The following CPQ variants were observed in gnomAD, a reference collection of about 807,000 sequenced individuals.
The protein encoded by CPQ is Ser-Met dipeptidase.
CPQ carries 37 observed loss-of-function variants against 45.7 expected under a neutral mutation model. The ratio of observed to expected loss-of-function variants is 0.81; its 90% CI spans 0.62 to 1.07. The LOEUF (loss-of-function observed/expected upper bound fraction) is 1.07, where lower values mean the gene tolerates loss of function less well. CPQ is among the 50% of genes least tolerant of loss of function. CPQ has a pLI of 0.00. For synonymous variants in CPQ, 186 were observed against 205.8 expected, an observed-to-expected ratio of 0.90 and a Z score of 0.82; for missense variants, 537 against 572.9, an observed-to-expected ratio of 0.94 and a Z score of 0.64.
intron 7 of CPQ, among the ~76,000 whole-genome samples, chr8:97,126,979 A>G (rs963788105): frequency 6.6e-6 from 1 of 152,184 alleles, no homozygotes; most frequent in African/African-American, 2.4e-5. Context: ...AAAAAAATGA[A>G]CCTTAGCCCT....
intron 4 of CPQ, among the ~76,000 whole-genome samples, chr8:96,910,589 C>G (rs1812646881): frequency 6.6e-6 from 1 of 152,142 alleles, no homozygotes; most frequent in African/African-American, 2.4e-5. Flanking sequence ...ACTGCAAGCT[C>G]CGCCTCCTGG....
At chr8:97,119,328 CAAAA>C (rs34998181) in intron 7 of CPQ, among the ~76,000 whole-genome samples, 151 of 72,340 alleles carry the variant, frequency 2.1e-3, no homozygotes, top group African/African-American at 6.6e-3. Flanking sequence ...GACTCCATCT[CAAAA>C]AAAAAAAAAA....
chr8:96,826,926 A>G (rs1485307376), intron 2 of CPQ, among the ~76,000 whole-genome samples: 1 of 152,122 alleles, frequency 6.6e-6, no homozygotes, highest in African/African-American at 2.4e-5. Flanking sequence ...AATGGCTTCC[A>G]GCTCCACCCA....
At chr8:96,808,878 G>A (rs780986626) in intron 2 of CPQ, among the ~76,000 whole-genome samples, 64 of 152,188 alleles carry the variant, frequency 4.2e-4, no homozygotes, top group Non-Finnish European at 5.6e-4. Flanking sequence ...TTATCAGACA[G>A]ATGGCATATG....
chr8:96,647,159 C>T (rs1181198924), intron 1 of CPQ, among the ~76,000 whole-genome samples: 3 of 152,206 alleles, frequency 2.0e-5, no homozygotes, highest in East Asian at 3.8e-4. Context: ...AGTCATTATA[C>T]ATACATATTT....
chr8:96,657,274 G>A (rs974858626), intron 1 of CPQ, among the ~76,000 whole-genome samples: 1 of 152,080 alleles, frequency 6.6e-6, no homozygotes, highest in African/African-American at 2.4e-5. Context: ...GAACCCAGGA[G>A]GCAGAGGTTG....
At chr8:96,972,448 A>G (rs749359664) in intron 5 of CPQ, among the ~76,000 whole-genome samples, 1 of 152,188 alleles carries the variant, frequency 6.6e-6, no homozygotes, top group Non-Finnish European at 1.5e-5. Flanking sequence ...GACAAAGGTC[A>G]TAATCTTTTG....
At chr8:96,789,879 T>C (rs1810824427) in intron 2 of CPQ, among the ~76,000 whole-genome samples, 1 of 152,190 alleles carries the variant, frequency 6.6e-6, no homozygotes. Context: ...TTTTCAAGTC[T>C]GACCCATGTG....
chr8:96,877,913 A>G (rs980022294), intron 3 of CPQ, among the ~76,000 whole-genome samples: 33 of 152,132 alleles, frequency 2.2e-4, no homozygotes, highest in African/African-American at 6.8e-4. Context: ...TTGGAAGATA[A>G]GTCTTTGTAC....
chr8:97,096,768 G>A (rs1385666710), intron 7 of CPQ, among the ~76,000 whole-genome samples: 1 of 152,200 alleles, frequency 6.6e-6, no homozygotes, highest in African/African-American at 2.4e-5. Flanking sequence ...CTGCAGAGAG[G>A]GGAAGAGTAT....
intron 4 of CPQ, among the ~76,000 whole-genome samples, chr8:96,959,242 G>T (rs1163483303): frequency 6.6e-6 from 1 of 152,110 alleles, no homozygotes; most frequent in Non-Finnish European, 1.5e-5. Flanking sequence ...CAGAAAAGAG[G>T]TGCTCAGGGA....
intron 1 of CPQ, among the ~76,000 whole-genome samples, chr8:96,763,685 A>T (rs1160722751): frequency 1.3e-5 from 2 of 152,148 alleles, no homozygotes; most frequent in South Asian, 4.1e-4. Context: ...AAACTCTAAG[A>T]TATAAATAAT....
chr8:96,757,787 A>T (rs905597134), intron 1 of CPQ, among the ~76,000 whole-genome samples: 1 of 151,750 alleles, frequency 6.6e-6, no homozygotes, highest in African/African-American at 2.4e-5. Flanking sequence ...AGAGTTATCT[A>T]TTTTTTCTGT....
In CPQ at chr8:96,754,739, G is replaced by A. The variant is rs1309439482; in HGVS notation, c.-34-30125G>A. ...AATTCTCTTTTAATTCTTAAAATAT[G>A]TTTCATTTACCTGTTGGTAAATACA... On this transcript the variant is annotated intron_variant, in intron 1 of 7. Coordinates refer to ENST00000220763, the MANE Select transcript of CPQ (RefSeq NM_016134.4). Among the ~76,000 whole-genome samples, 6 of 151,920 alleles carry A rather than the reference G, an allele frequency of 3.9e-5. No homozygotes were observed. The South Asian group carries it at 8.3e-4, about 21-fold the overall frequency.
At chr8:96,740,214 T>C (rs1266391849) in intron 1 of CPQ, among the ~76,000 whole-genome samples, 30 of 152,066 alleles carry the variant, frequency 2.0e-4, no homozygotes, top group African/African-American at 6.3e-4. Flanking sequence ...ATTTTATTCT[T>C]TTTAAAGCAA....
intron 2 of CPQ, among the ~76,000 whole-genome samples, chr8:96,790,669 C>A (rs1175804392): frequency 1.3e-5 from 2 of 152,032 alleles, no homozygotes; most frequent in African/African-American, 4.8e-5. Flanking sequence ...GTTTCTGTAA[C>A]ATGGGGCTGG....
At chr8:97,097,661 T>C (rs1811230831) in intron 7 of CPQ, among the ~76,000 whole-genome samples, 2 of 152,044 alleles carry the variant, frequency 1.3e-5, no homozygotes, top group South Asian at 4.1e-4. Flanking sequence ...GGGGAACAGT[T>C]TGTGGGAGGG....
chr8:96,996,414 C>T (rs1225003949), intron 5 of CPQ, among the ~76,000 whole-genome samples: 1 of 151,920 alleles, frequency 6.6e-6, no homozygotes, highest in Non-Finnish European at 1.5e-5. Context: ...GATAACATGA[C>T]CACCAAAGTC....
At chr8:97,044,468 C>A (rs571388783) in intron 6 of CPQ, among the ~76,000 whole-genome samples, 1 of 152,286 alleles carries the variant, frequency 6.6e-6, no homozygotes, top group East Asian at 1.9e-4. Flanking sequence ...TTGTCTGAAG[C>A]CTTCTTCTCT....
Sources: allele counts gnomAD v4.1 joint callset (sites outside exome capture counted in the v4.1 genomes callset), GRCh38; gene constraint gnomAD v4.1.1; transcripts MANE v1.5; gene names NCBI Gene and HGNC (gene_info 2026-07-23, HGNC 2026-07-21).